ITPA: variants seen among roughly 807,000 people sequenced by gnomAD.
ITPA encodes the protein inosine triphosphatase, also known as inosine triphosphate pyrophosphatase.
ITPA carries 29 observed loss-of-function variants against 29.6 expected under a neutral mutation model. The observed-to-expected ratio is 0.98, with a 90% CI of 0.73 to 1.34. The LOEUF is 1.34. ITPA is among the 40% of genes most tolerant of loss of function. The pLI is 0.00. For missense variants in ITPA, 241 were observed against 251.5 expected (o/e 0.96, Z 0.28); for synonymous variants, 103 against 99.3 (o/e 1.04, Z -0.22).
At chr20:3,204,826 C>T (rs2067059681), upstream of ITPA, 1 of 564,870 alleles carries the variant, frequency 1.8e-6, no homozygotes, top group Admixed American at 3.3e-5. Context: ...GAAATTATAG[C>T]AGACGGTATG....
At chr20:3,207,094 G>T (rs2067076473), upstream of ITPA, among the ~76,000 whole-genome samples, 3 of 152,068 alleles carry the variant, frequency 2.0e-5, no homozygotes, top group Admixed American at 2.0e-4. Context: ...TGATCTTTTT[G>T]TTTGTTGGTT....
At chr20:3,225,873 A>G (rs1399803663), downstream of ITPA, among the ~76,000 whole-genome samples, 5 of 152,206 alleles carry the variant, frequency 3.3e-5, no homozygotes, top group African/African-American at 1.2e-4. Context: ...TACTAAAAAT[A>G]CAAAAATTAG....
rs899979478 is a variant in ITPA at position 3,218,415 on chromosome 20, CT to C, written c.296-98del. 33 of 842,242 alleles carry C rather than the reference CT, an allele frequency of 3.9e-5. 1 individual carries two copies. The highest frequency in any genetic ancestry group is 3.8e-4 in the African/African-American group (23 of 60,012). 52.2% of individuals were successfully genotyped at this position (842,242 alleles called of 1,614,324 possible). A position where few individuals can be genotyped will look rare whatever the true frequency, so the allele number is the denominator to read the frequency against. ...TACCCCAATTGAGACCTAATTTCCC[CT>C]TTTAGGGAATTCCTCCCTCCCCACC... On this transcript the variant is annotated intron_variant, in intron 5 of 7. Coordinates refer to ENST00000380113, the MANE Select transcript of ITPA (RefSeq NM_033453.4).
chr20:3,215,084 C>G, intron 4 of ITPA, 197 bp from the exon 5 acceptor site: 1 of 599,468 alleles, frequency 1.7e-6, no homozygotes, highest in Non-Finnish European at 3.0e-6. Context: ...CCAAGCTTTT[C>G]TCAAACTCCT....
chr20:3,217,905 G>GTTTTTTTTTTTT (rs372604621), intron 5 of ITPA, among the ~76,000 whole-genome samples: 2 of 146,226 alleles, frequency 1.4e-5, no homozygotes, highest in African/African-American at 2.5e-5. Flanking sequence ...AGTTTTTGTG[G>GTTTTTTTTTTTT]GTTTTTTTTT....
upstream of ITPA, chr20:3,204,476 C>T (rs1180740112): frequency 6.6e-7 from 1 of 1,508,576 alleles, no homozygotes; most frequent in Non-Finnish European, 8.9e-7. Context: ...CGACGGTCCA[C>T]AAAGGCTCAG....
At chr20:3,217,906 GT>G (rs375450991) in intron 5 of ITPA, among the ~76,000 whole-genome samples, 30 of 137,718 alleles carry the variant, frequency 2.2e-4, no homozygotes, top group African/African-American at 7.5e-4. Flanking sequence ...GTTTTTGTGG[GT>G]TTTTTTTTGT....
chr20:3,223,080 G>A (rs1320546820), intron 7 of ITPA, among the ~76,000 whole-genome samples: 1 of 152,194 alleles, frequency 6.6e-6, no homozygotes, highest in Non-Finnish European at 1.5e-5. Flanking sequence ...GATCAAACAT[G>A]CAGCTCATCC....
intron 7 of ITPA, among the ~76,000 whole-genome samples, 162 bp from the exon 8 acceptor site, chr20:3,223,204 G>A (rs529787787): frequency 4.6e-5 from 7 of 152,130 alleles, no homozygotes; most frequent in Non-Finnish European, 7.3e-5. Context: ...AACTTTATCC[G>A]ATTTTTAAAA....
chr20:3,224,413 G>A (rs1282359494), downstream of ITPA, among the ~76,000 whole-genome samples: 3 of 152,150 alleles, frequency 2.0e-5, no homozygotes, highest in Non-Finnish European at 4.4e-5. Context: ...TTCAAGGGGG[G>A]CGTGATGGGC....
chr20:3,211,096 A>C (rs1350087874), intron 1 of ITPA, among the ~76,000 whole-genome samples: 1 of 147,386 alleles, frequency 6.8e-6, no homozygotes, highest in Non-Finnish European at 1.5e-5. Context: ...AAGAAGAAGA[A>C]GGCACTAGAG....
In ITPA at chr20:3,213,393, C is replaced by T. The variant is rs2122321773; in HGVS notation, c.189+10C>T. On this transcript the variant is annotated intron_variant, in intron 3 of 7. Transcript: ENST00000380113. ...GGAGGCAGTTCGCCAGGTGCTTGCC[C>T]TGCCCTTGTCCCACACTTGCTCTTC... The T allele has an allele frequency of 1.9e-6, 3 of 1,613,630 alleles. No individual in the cohort carries two copies. Among genetic ancestry groups the T allele is most frequent in the South Asian group, 2.2e-5 (2 of 91,054 alleles).
chr20:3,211,420 A>C (rs2067171176), intron 1 of ITPA, among the ~76,000 whole-genome samples: 1 of 151,824 alleles, frequency 6.6e-6, no homozygotes, highest in Non-Finnish European at 1.5e-5. Context: ...CCCTCCACCC[A>C]TTTCGGCCTT....
intron 1 of ITPA, among the ~76,000 whole-genome samples, chr20:3,211,577 C>T (rs534586169): frequency 2.1e-4 from 32 of 152,242 alleles, no homozygotes; most frequent in South Asian, 1.7e-3. Context: ...ACTGCAACCT[C>T]CGCCTCCTGG....
In ITPA at chr20:3,223,704, G is replaced by C. The variant is rs1281586563; in HGVS notation, c.*242G>C. 3.5e-6 allele frequency: 2 copies of C among 573,320 alleles called. No individual in the cohort carries two copies. The highest frequency in any genetic ancestry group is 3.0e-5 in the Admixed American group (1 of 33,678). 35.5% of individuals were successfully genotyped at this position (573,320 alleles called of 1,614,324 possible). ...CTCTCTCCTACAGCCGCCAGGCCTG[G>C]GGTCCTGAAAGGACCTTGGGTGGTA... On this transcript the variant is annotated 3_prime_UTR_variant, in exon 8 of 8. Coordinates refer to ENST00000380113, the MANE Select transcript of ITPA (RefSeq NM_033453.4).
chr20:3,208,317 G>T (rs1378140810), upstream of ITPA, among the ~76,000 whole-genome samples: 2 of 152,088 alleles, frequency 1.3e-5, no homozygotes, highest in Non-Finnish European at 2.9e-5. Context: ...CTGCATAATG[G>T]TTAGTGTTTC....
chr20:3,205,491 T>A (rs761568589), upstream of ITPA, among the ~76,000 whole-genome samples: 4 of 151,934 alleles, frequency 2.6e-5, no homozygotes, highest in African/African-American at 4.8e-5. Context: ...GAGGTGAGCC[T>A]AGGAGTTCAA....
intron 5 of ITPA, among the ~76,000 whole-genome samples, chr20:3,218,038 C>G (rs1376762347): frequency 6.6e-6 from 1 of 152,108 alleles, no homozygotes; most frequent in African/African-American, 2.4e-5. Flanking sequence ...CTGCCTCAGC[C>G]TCCCGAGCAG....
intron 1 of ITPA, among the ~76,000 whole-genome samples, chr20:3,211,328 G>A (rs1363838601): frequency 6.6e-6 from 1 of 150,524 alleles, no homozygotes; most frequent in Non-Finnish European, 1.5e-5. Context: ...ACCACGCCTG[G>A]TTAATTTTTG....
Sources: gnomAD v4.1 joint callset for allele counts (sites outside exome capture counted in the v4.1 genomes callset) on GRCh38, gnomAD v4.1.1 for gene constraint, MANE v1.5 for transcripts, NCBI Gene and HGNC (gene_info 2026-07-23, HGNC 2026-07-21) for gene names.